Variants in TNRC6B observed in about 807,000 individuals in gnomAD.
TNRC6B encodes trinucleotide repeat-containing gene 6B protein.
Under a neutral mutation model 203.6 loss-of-function variants are expected in TNRC6B, and 52 were observed. The observed-to-expected ratio is 0.26, with a 90% CI of 0.20 to 0.32. The LOEUF (loss-of-function observed/expected upper bound fraction) is 0.32. Among genes scored for constraint, TNRC6B ranks in the 10% least tolerant of loss-of-function variants. TNRC6B has a pLI of 1.00. For missense variants in TNRC6B, 1,923 were observed against 2,286.2 expected (o/e 0.84, Z 3.24); for synonymous variants, 838 against 845.7 (o/e 0.99, Z 0.16).
chr22:40,300,813 T>G (rs2071013068), intron 13 of TNRC6B, 97 bp from the exon 14 acceptor site: 2 of 1,285,236 alleles, frequency 1.6e-6, no homozygotes, highest in African/African-American at 3.0e-5. Flanking sequence ...TACTTTTGAT[T>G]GTGTGACCTG....
intron 15 of TNRC6B, among the ~76,000 whole-genome samples, chr22:40,302,934 G>C (rs1168349857): frequency 1.3e-5 from 2 of 152,040 alleles, no homozygotes; most frequent in Non-Finnish European, 2.9e-5. Context: ...GGTCAGCTCT[G>C]TGCTCATCTG....
chr22:40,078,890 A>G (rs2068042289), intron 1 of TNRC6B, among the ~76,000 whole-genome samples: 1 of 151,826 alleles, frequency 6.6e-6, no homozygotes, highest in African/African-American at 2.4e-5. Flanking sequence ...CCTGCCCAAC[A>G]TGGTGAAACC....
At chr22:40,167,789 A>C (rs1449537804) in intron 4 of TNRC6B, among the ~76,000 whole-genome samples, 1 of 150,234 alleles carries the variant, frequency 6.7e-6, no homozygotes, top group Non-Finnish European at 1.5e-5. Flanking sequence ...AGTTTGAGAC[A>C]GGAGGATTGC....
At chr22:40,152,682 A>G (rs759039644) in intron 3 of TNRC6B, among the ~76,000 whole-genome samples, 4 of 152,136 alleles carry the variant, frequency 2.6e-5, no homozygotes, top group African/African-American at 9.6e-5. Context: ...CATGTTGGCC[A>G]GGATGACCTT....
intron 1 of TNRC6B, among the ~76,000 whole-genome samples, chr22:40,049,748 C>G (rs771167639): frequency 6.6e-6 from 1 of 152,082 alleles, no homozygotes; most frequent in Non-Finnish European, 1.5e-5. Context: ...GGATTGCAGG[C>G]GCACACCACC....
intron 1 of TNRC6B, among the ~76,000 whole-genome samples, chr22:40,207,890 A>G (rs186468769): frequency 1.3e-3 from 195 of 152,242 alleles, no homozygotes; most frequent in African/African-American, 4.5e-3. Context: ...AGGTGGGCAG[A>G]TCACGAGGTC....
chr22:40,331,447 G>C lies in TNRC6B; in HGVS notation c.*8206G>C, dbSNP rs1262971610. 2.9e-6 allele frequency: 1 copy of C among 346,938 alleles called. No individual in the cohort carries two copies. The highest frequency in any genetic ancestry group is 4.0e-5 in the East Asian group (1 of 25,192). 21.5% of individuals were successfully genotyped at this position (346,938 alleles called of 1,614,324 possible). On this transcript the variant is annotated 3_prime_UTR_variant, in exon 23 of 23. Coordinates refer to ENST00000454349, the MANE Select transcript of TNRC6B (RefSeq NM_001162501.2). The stretch of plus-strand genomic sequence containing the variant: ...AAAGAAATATCAAGCAAATGCTAAG[G>C]GCCATTTCCATGATTCCTCAGAGCT...
chr22:40,169,009 A>G (rs2068945566), intron 4 of TNRC6B, among the ~76,000 whole-genome samples: 1 of 151,922 alleles, frequency 6.6e-6, no homozygotes, highest in Non-Finnish European at 1.5e-5. Flanking sequence ...GGTGTTATTA[A>G]TCGTTTTTGT....
chr22:40,185,415 T>A (rs950128820), intron 1 of TNRC6B, among the ~76,000 whole-genome samples: 2 of 152,194 alleles, frequency 1.3e-5, no homozygotes, highest in Non-Finnish European at 2.9e-5. Flanking sequence ...GATAAGGCCA[T>A]ATACTCTCAT....
intron 1 of TNRC6B, among the ~76,000 whole-genome samples, chr22:40,071,625 C>T (rs747544866): frequency 6.6e-6 from 1 of 152,198 alleles, no homozygotes; most frequent in Non-Finnish European, 1.5e-5. Flanking sequence ...CCTCACTCCT[C>T]CAGCTTCTGA....
At chr22:40,060,521 A>G (rs2067840603) in intron 1 of TNRC6B, among the ~76,000 whole-genome samples, 1 of 152,098 alleles carries the variant, frequency 6.6e-6, no homozygotes, top group Admixed American at 6.5e-5. Context: ...ATTGATTTCT[A>G]CTTTAATTTT....
At chr22:40,113,469 C>T (rs111771520) in intron 1 of TNRC6B, among the ~76,000 whole-genome samples, 1,809 of 152,272 alleles carry the variant, frequency 0.012, 36 homozygotes, top group African/African-American at 0.041. Context: ...ATCCTCCCAC[C>T]TCAGCCTCCT....
intron 1 of TNRC6B, among the ~76,000 whole-genome samples, chr22:40,189,060 TATC>T (rs2069239926): frequency 6.6e-6 from 1 of 152,142 alleles, no homozygotes; most frequent in Non-Finnish European, 1.5e-5. Context: ...CCCACTCAGT[TATC>T]ATATCAACCA....
chr22:40,228,119 T>C (rs761886330), intron 1 of TNRC6B, among the ~76,000 whole-genome samples: 67 of 152,116 alleles, frequency 4.4e-4, no homozygotes, highest in Non-Finnish European at 8.4e-4. Context: ...TTTTAGCAGT[T>C]CCAGATTATA....
At position 40,262,257 on chromosome 22, in the gene TNRC6B, A is replaced by G. The variant is rs904350646; in HGVS notation, c.457+84A>G. Reference sequence around the variant, plus strand: ...GCATTGCTTGATGTAAAGTCCAGGAAAGCCATTCATTATATAAACCACTGG... The same window carrying G: ...GCATTGCTTGATGTAAAGTCCAGGAGAGCCATTCATTATATAAACCACTGG... On this transcript the variant is annotated intron_variant, in intron 4 of 22. Transcript: ENST00000454349. The G allele has an allele frequency of 4.8e-6, 6 of 1,245,102 alleles. No individual in the cohort carries two copies. The African/African-American group carries it at 9.0e-5, about 19-fold the overall frequency. 77.1% of individuals were successfully genotyped at this position (1,245,102 alleles called of 1,614,324 possible).
chr22:40,286,772 T>A (rs998941978), intron 12 of TNRC6B, among the ~76,000 whole-genome samples: 2 of 152,100 alleles, frequency 1.3e-5, no homozygotes, highest in Admixed American at 1.3e-4. Context: ...GGTGAGAGAT[T>A]TGTGTTAGTC....
At chr22:40,274,256 T>C (rs2070606570) in intron 7 of TNRC6B, among the ~76,000 whole-genome samples, 2 of 152,126 alleles carry the variant, frequency 1.3e-5, no homozygotes, top group Admixed American at 6.5e-5. Context: ...CCCATAGATA[T>C]GTAGGAGGGA....
At chr22:40,069,404 C>A (rs1422693532) in intron 1 of TNRC6B, among the ~76,000 whole-genome samples, 2 of 151,878 alleles carry the variant, frequency 1.3e-5, no homozygotes, top group African/African-American at 4.8e-5. Context: ...CTGCACCTGG[C>A]CTAAAAGTTG....
chr22:40,219,204 C>T (rs1395160024), intron 1 of TNRC6B, among the ~76,000 whole-genome samples: 1 of 152,230 alleles, frequency 6.6e-6, no homozygotes, highest in Non-Finnish European at 1.5e-5. Flanking sequence ...TCTGGTTCAC[C>T]TCTGTATCTA....
Sources: gnomAD v4.1 joint callset for allele counts (sites outside exome capture counted in the v4.1 genomes callset) on GRCh38, gnomAD v4.1.1 for gene constraint, MANE v1.5 for transcripts, NCBI Gene and HGNC (gene_info 2026-07-23, HGNC 2026-07-21) for gene names.